The following PDE4DIP variants were observed in gnomAD, a reference collection of about 807,000 sequenced individuals.
The protein encoded by PDE4DIP is myomegalin.
A neutral mutation model predicts 221.4 loss-of-function variants in PDE4DIP; 59 were observed. That is an observed-to-expected ratio of 0.27 (90% CI 0.22 to 0.33). The LOEUF (loss-of-function observed/expected upper bound fraction) is 0.33. Ranked by LOEUF, PDE4DIP falls within the 10% of genes least tolerant of loss-of-function variation. The pLI is 1.00. For synonymous variants in PDE4DIP, 404 were observed against 815.9 expected (o/e 0.50, Z 8.60); for missense variants, 1,036 against 2,154.2 (o/e 0.48, Z 10.28).
intron 32 of PDE4DIP, 21 bp from the exon 36 acceptor site, chr1:149,016,278 C>G: frequency 6.2e-7 from 1 of 1,613,346 alleles, no homozygotes; most frequent in Non-Finnish European, 8.5e-7. Flanking sequence ...TTGCTTCTTA[C>G]TAATGTTTCT....
rs201517910 is a variant in PDE4DIP, at chr1:148,948,648, C to A, written c.636+10784C>A. Among the ~76,000 whole-genome samples, 122 of 151,130 alleles carry A rather than the reference C, an allele frequency of 8.1e-4. 3 individuals are homozygous for A. In the East Asian group the frequency reaches 0.023, roughly 29 times the overall value. ...TCAAATTAAAATTTTGAGGGAAACACATAGTTTTATTTACTCCTTTTAATC... is the reference window on the plus strand; with the variant it reads ...TCAAATTAAAATTTTGAGGGAAACAAATAGTTTTATTTACTCCTTTTAATC... On this transcript the variant is annotated intron_variant, in intron 5 of 43. Transcript: ENST00000369354.
chr1:148,903,048 C>T (rs1228697745), intron 1 of PDE4DIP, among the ~76,000 whole-genome samples: 42 of 152,198 alleles, frequency 2.8e-4, no homozygotes, highest in African/African-American at 8.4e-4. Context: ...TCCCTGTTCA[C>T]TGCATCCACA....
intron 1 of PDE4DIP, among the ~76,000 whole-genome samples, chr1:148,922,757 T>C (rs1553462664): frequency 6.7e-6 from 1 of 149,706 alleles, no homozygotes; most frequent in Non-Finnish European, 1.5e-5. Flanking sequence ...CCGGCTAATT[T>C]TTTGTATTTT....
rs1435747837 is a variant in PDE4DIP, at chr1:148,923,724, C to T, written c.142-5473C>T. The stretch of plus-strand genomic sequence containing the variant: ...TCCCGACCTCGTGATCTGCCCGCCT[C>T]GGCCTCCCAAAGTTCTGGGATTACA... On this transcript the variant is annotated intron_variant, in intron 1 of 43. Transcript: ENST00000369354. 1.2e-4 allele frequency among the ~76,000 whole-genome samples: 17 copies of T among 145,848 alleles called. 2 individuals carry two copies. The highest frequency in any genetic ancestry group is 5.4e-4 in the Admixed American group (8 of 14,816).
chr1:149,010,389 A>C (rs1279765731), intron 30 of PDE4DIP, 54 bp from the exon 34 acceptor site: 2 of 1,561,798 alleles, frequency 1.3e-6, no homozygotes, highest in Admixed American at 3.4e-5. Flanking sequence ...TAAGGCCAGG[A>C]TTCCAGTTCT....
At chr1:148,969,758 G>A (rs1316697323) in intron 14 of PDE4DIP, among the ~76,000 whole-genome samples, 11 of 149,542 alleles carry the variant, frequency 7.4e-5, no homozygotes, top group African/African-American at 2.7e-4. Context: ...CCCAGCTGGA[G>A]TGCGATGGCG....
intron 1 of PDE4DIP, among the ~76,000 whole-genome samples, chr1:148,813,676 C>A (rs6693590): frequency 6.0e-3 from 486 of 80,482 alleles, no homozygotes; most frequent in African/African-American, 0.015. Flanking sequence ...CTATTTTTTT[C>A]TAGAAGTTTT....
intron 5 of PDE4DIP, chr1:148,952,090 C>G (rs1389397312): frequency 6.9e-6 from 7 of 1,017,694 alleles, no homozygotes; most frequent in Non-Finnish European, 8.2e-6. Context: ...CTCCTCCCCG[C>G]GAGGAGGAGC....
chr1:148,985,994 T>C (rs2061849148), intron 21 of PDE4DIP: 2 of 152,224 alleles, frequency 1.3e-5, no homozygotes, highest in South Asian at 4.1e-4. Flanking sequence ...TTTGTAGGCA[T>C]GCATTTATAC....
At chr1:149,001,061 A>G (rs1308890422) in intron 23 of PDE4DIP, among the ~76,000 whole-genome samples, 1 of 152,150 alleles carries the variant, frequency 6.6e-6, no homozygotes, top group Non-Finnish European at 1.5e-5. Context: ...CAAGAAGGTT[A>G]TCTCTATCAC....
chr1:149,014,901 T>C, intron 32 of PDE4DIP, among the ~76,000 whole-genome samples: 1 of 152,374 alleles, frequency 6.6e-6, no homozygotes, highest in Non-Finnish European at 1.5e-5. Flanking sequence ...TCATTGTTAC[T>C]GATAGACTTA....
At chr1:148,934,770 A>G (rs1181766416) in intron 4 of PDE4DIP, among the ~76,000 whole-genome samples, 1 of 151,666 alleles carries the variant, frequency 6.6e-6, no homozygotes, top group Non-Finnish European at 1.5e-5. Context: ...CGCCCAGCTA[A>G]TTTTTGTATT....
intron 5 of PDE4DIP, among the ~76,000 whole-genome samples, chr1:148,947,083 C>T (rs2051945088): frequency 1.3e-5 from 2 of 152,310 alleles, no homozygotes; most frequent in Non-Finnish European, 1.5e-5. Flanking sequence ...AAACTGAAAG[C>T]TCATTGAAGA....
exon 44 of PDE4DIP, chr1:149,032,701 C>A: frequency 4.5e-6 from 1 of 223,292 alleles, no homozygotes; most frequent in African/African-American, 2.2e-5. Flanking sequence ...CATTTTGTCA[C>A]CCTATCTTAT....
At chr1:148,814,016 A>G (rs2264185) in intron 1 of PDE4DIP, among the ~76,000 whole-genome samples, 85 of 20,624 alleles carry the variant, frequency 4.1e-3, no homozygotes, top group South Asian at 0.013. Flanking sequence ...GCAGTGGCAC[A>G]ATCTTGGCTC....
In PDE4DIP at chr1:148,915,132, T is replaced by G. The variant is rs587636755; in HGVS notation, c.142-14065T>G. Among the ~76,000 whole-genome samples, 70 of 147,284 alleles carry G rather than the reference T, an allele frequency of 4.8e-4. No individual in the cohort carries two copies. The South Asian group carries it at 5.6e-3, about 12-fold the overall frequency. ...GAGACTGCCAGTGCTTTCTTCTGGT[T>G]TTTTTGTTTGTTTGTTTGTTTGTTT... is the stretch of plus-strand genomic sequence containing the variant. On this transcript the variant is annotated intron_variant, in intron 1 of 43. Transcript: ENST00000369354.
Position 148,840,186 on chromosome 1 carries a change from G to A in PDE4DIP, c.234-23064G>A, listed in dbSNP as rs587725115. Among the ~76,000 whole-genome samples the A allele has an allele frequency of 2.2e-3, 195 of 87,172 alleles. 3 individuals carry two copies. Among genetic ancestry groups the A allele is most frequent in the African/African-American group, 5.9e-3 (179 of 30,446 alleles). The allele number at this position is 87,172 out of a possible 152,430, so 57.2% of individuals were successfully genotyped here. A position where few individuals can be genotyped will look rare whatever the true frequency, so the allele number is the denominator to read the frequency against. On this transcript the variant is annotated intron_variant, in intron 1 of 45. Transcript: ENST00000524974. The stretch of plus-strand genomic sequence containing the variant: ...GACTGTAAAGACTGTGACACCTTCC[G>A]ATTTTTTGTCCCTTATCATCAATTC...
chr1:148,953,965 G>A (rs1447307642), intron 5 of PDE4DIP: 1 of 1,092,370 alleles, frequency 9.2e-7, no homozygotes, highest in East Asian at 2.4e-5. Context: ...CTGGCTTCAC[G>A]TGATTTCGGT....
chr1:149,028,755 A>G (rs1553632985), intron 41 of PDE4DIP, 52 bp downstream of exon 44: 1 of 1,048,706 alleles, frequency 9.5e-7, no homozygotes, highest in Non-Finnish European at 1.4e-6. Context: ...CTGCCCTCCA[A>G]TACTGTTCTG....
Sources: allele counts gnomAD v4.1 joint callset (sites outside exome capture counted in the v4.1 genomes callset), GRCh38; gene constraint gnomAD v4.1.1; transcripts MANE v1.5; gene names NCBI Gene and HGNC (gene_info 2026-07-23, HGNC 2026-07-21).